The following HNRNPUL2 variants were observed in gnomAD, a reference collection of about 807,000 sequenced individuals.
HNRNPUL2 encodes heterogeneous nuclear ribonucleoprotein U-like protein 2.
A neutral mutation model predicts 102.2 loss-of-function variants in HNRNPUL2; 27 were observed. That is an observed-to-expected ratio of 0.26 (90% CI 0.19 to 0.36). The LOEUF (loss-of-function observed/expected upper bound fraction) is 0.36. Among genes scored for constraint, HNRNPUL2 ranks in the 10% least tolerant of loss-of-function variants. The probability of loss-of-function intolerance (pLI) is 1.00; values close to 1 mark genes in which losing one functional copy is unlikely to be tolerated. For missense variants in HNRNPUL2, 936 were observed against 981.1 expected (o/e 0.95, Z 0.61); for synonymous variants, 458 against 387.2 (o/e 1.18, Z -2.15).
Position 62,717,103 on chromosome 11 carries a change from T to C in HNRNPUL2, c.1867A>G (p.Thr623Ala). The C allele has an allele frequency of 6.2e-7, 1 of 1,614,216 alleles. No individual in the cohort carries two copies. The highest frequency in any genetic ancestry group is 8.5e-7 in the Non-Finnish European group (1 of 1,180,038). ...LEKEEAQPIV[T>A]KYKEEARKLL... is the part of the protein sequence containing the mutation. ...TTCCTTGCCTCCTCCTTGTACTTAG[T>C]GACAATGGGCTGAGCTTCCTCCTTC... The change falls in exon 11 of 14, where the codon ACT becomes GCT. Residue 623 changes from threonine (T) to alanine (A), a missense_variant. By Grantham distance (58) the Thr-to-Ala change is moderately conservative (BLOSUM62 0). Coordinates refer to ENST00000301785, the MANE Select transcript of HNRNPUL2 (RefSeq NM_001079559.3).
In HNRNPUL2 at chr11:62,722,934, A is replaced by G. The variant is rs1422627968; in HGVS notation, c.892-31T>C. 3 of 1,562,358 alleles carry G rather than the reference A, an allele frequency of 1.9e-6. No homozygotes were observed. The South Asian group carries it at 3.3e-5, about 17-fold the overall frequency. ...CAAGTCAGAAAGGGAACTATTAGATATTGTGACCAACTGAGTAGCAAACTC... is the reference window on the plus strand; with the variant it reads ...CAAGTCAGAAAGGGAACTATTAGATGTTGTGACCAACTGAGTAGCAAACTC... On this transcript the variant is annotated intron_variant, in intron 4 of 13. Transcript: ENST00000301785.
At chr11:62,716,796 G>T (rs534790240) in intron 11 of HNRNPUL2, among the ~76,000 whole-genome samples, 193 bp downstream of exon 11, 1 of 152,180 alleles carries the variant, frequency 6.6e-6, no homozygotes, top group Admixed American at 6.5e-5. Flanking sequence ...TTTTGTTGTT[G>T]TTGAAGAATT....
At chr11:62,719,499 T>C (rs564619594) in intron 10 of HNRNPUL2, among the ~76,000 whole-genome samples, 1 of 152,276 alleles carries the variant, frequency 6.6e-6, no homozygotes, top group African/African-American at 2.4e-5. Context: ...AAATTATTGC[T>C]TCTCTCTGTT....
chr11:62,726,844 G>A lies in HNRNPUL2; in HGVS notation c.313C>T (p.Gln105Ter). 6.3e-7 allele frequency: 1 copy of A among 1,589,292 alleles called. No homozygotes were observed. Among genetic ancestry groups the A allele is most frequent in the Non-Finnish European group, 8.5e-7 (1 of 1,174,980 alleles). ...EEPPPAQALG[Q>*]AAQPPPEPPE... ...GGCTCCGGCGGCGGCTGCGCGGCCT[G>A]ACCCAAGGCTTGAGCAGGGGGTGGC... Residue 105 changes from glutamine to a stop codon, truncating the protein, a stop_gained, in exon 1 of 14, where the codon CAG becomes TAG. Coordinates refer to ENST00000301785, the MANE Select transcript of HNRNPUL2 (RefSeq NM_001079559.3). LOFTEE classifies it high-confidence loss of function.
Position 62,727,233 on chromosome 11 carries a change from G to GCCGCCGCCGCCGC in HNRNPUL2, c.-78_-77insGCGGCGGCGGCGG. 1 of 1,287,944 alleles carries GCCGCCGCCGCCGC rather than the reference G, an allele frequency of 7.8e-7. No individual in the cohort carries two copies. The highest frequency in any genetic ancestry group is 9.8e-7 in the Non-Finnish European group (1 of 1,019,974). 79.8% of individuals were successfully genotyped at this position (1,287,944 alleles called of 1,614,324 possible). A position where few individuals can be genotyped will look rare whatever the true frequency, so the allele number is the denominator to read the frequency against. On this transcript the variant is annotated 5_prime_UTR_variant, in exon 1 of 14. Coordinates refer to ENST00000301785, the MANE Select transcript of HNRNPUL2 (RefSeq NM_001079559.3). ...GACCGAGTCCGACCGCGCAGGCGCC[G>GCCGCCGCCGCCGC]CCGCCGCCGCCCGCCTCCGCCTCAC...
At position 62,722,452 on chromosome 11, in the gene HNRNPUL2, C is replaced by CT; in HGVS notation, c.1096-73dup. The CT allele has an allele frequency of 5.2e-6, 8 of 1,541,802 alleles. No homozygotes were observed. The Middle Eastern group carries it at 6.9e-4, about 133-fold the overall frequency. On this transcript the variant is annotated intron_variant, in intron 6 of 13. Coordinates refer to ENST00000301785, the MANE Select transcript of HNRNPUL2 (RefSeq NM_001079559.3). The stretch of plus-strand genomic sequence containing the variant: ...GGTTGATTAAACTTTACAATTTATT[C>CT]TTTTTTCACACAGACTGCTGCACAA...
Position 62,727,258 on chromosome 11 carries a change from C to G in HNRNPUL2, c.-102G>C, listed in dbSNP as rs1252037866. On this transcript the variant is annotated 5_prime_UTR_variant, in exon 1 of 14. Transcript: ENST00000301785. ...GCCGCCGCCGCCCGCCTCCGCCTCA[C>G]GCGCCAGCACTGAGCCCGCGCGAGC... The G allele has an allele frequency of 2.4e-6, 3 of 1,236,912 alleles. No individual in the cohort carries two copies. Among genetic ancestry groups the G allele is most frequent in the Non-Finnish European group, 3.0e-6 (3 of 990,340 alleles). The allele number at this position is 1,236,912 out of a possible 1,614,324, so 76.6% of individuals were successfully genotyped here.
At chr11:62,718,772 A>T (rs1348400055) in intron 10 of HNRNPUL2, among the ~76,000 whole-genome samples, 5 of 151,548 alleles carry the variant, frequency 3.3e-5, no homozygotes, top group Admixed American at 1.3e-4. Flanking sequence ...TTAACAAATA[A>T]CTGATTCACA....
chr11:62,723,491 CAA>C (rs980763300), intron 4 of HNRNPUL2, 94 bp downstream of exon 4: 2 of 1,296,998 alleles, frequency 1.5e-6, no homozygotes, highest in Non-Finnish European at 1.0e-6. Context: ...AACTCCATCT[CAA>C]AAAAAAAGAG....
intron 9 of HNRNPUL2, 84 bp from the exon 10 acceptor site, chr11:62,720,275 G>A (rs1012362796): frequency 9.7e-6 from 13 of 1,341,364 alleles, no homozygotes; most frequent in Non-Finnish European, 1.4e-5. Context: ...GCTGGGCACG[G>A]TGGCTCACGC....
intron 1 of HNRNPUL2, among the ~76,000 whole-genome samples, chr11:62,725,511 A>AT (rs899628674): frequency 3.9e-5 from 6 of 152,064 alleles, no homozygotes; most frequent in African/African-American, 1.4e-4. Context: ...TCCTTCAATT[A>AT]TTTTTTTATC....
chr11:62,723,582 G>A lies in HNRNPUL2; in HGVS notation c.891+5C>T. On this transcript the variant is annotated splice_donor_5th_base_variant and intron_variant, in intron 4 of 13. Coordinates refer to ENST00000301785, the MANE Select transcript of HNRNPUL2 (RefSeq NM_001079559.3). Reference sequence around the variant, plus strand: ...ATGAATGAATGAATGGTCTTAATGAGCTACCTTTGCCTCAAAGCAGACTTT... The same window carrying A: ...ATGAATGAATGAATGGTCTTAATGAACTACCTTTGCCTCAAAGCAGACTTT... The A allele has an allele frequency of 6.3e-7, 1 of 1,597,126 alleles. No homozygotes were observed. The highest frequency in any genetic ancestry group is 8.5e-7 in the Non-Finnish European group (1 of 1,171,350).
At position 62,720,835 on chromosome 11, in the gene HNRNPUL2, G is replaced by T. The variant is rs549599318; in HGVS notation, c.1611+460C>A. ...GCCGAGATAGCGCCACTGCACTCCA[G>T]CCTGGGCGACAGAGCGAGACTCGGT... is the stretch of plus-strand genomic sequence containing the variant. On this transcript the variant is annotated intron_variant, in intron 9 of 13. Transcript: ENST00000301785. Among the ~76,000 whole-genome samples, 19 of 123,222 alleles carry T rather than the reference G, an allele frequency of 1.5e-4. No homozygotes were observed. In the South Asian group the frequency reaches 4.6e-3, roughly 30 times the overall value. The allele number at this position is 123,222 out of a possible 152,430, so 80.8% of individuals were successfully genotyped here.
intron 4 of HNRNPUL2, among the ~76,000 whole-genome samples, chr11:62,723,333 A>G (rs1355450133): frequency 6.6e-6 from 1 of 152,182 alleles, no homozygotes; most frequent in Non-Finnish European, 1.5e-5. Context: ...CTCTACTAAG[A>G]ATACAAAATT....
In HNRNPUL2 at chr11:62,726,757, C is replaced by G. The variant is rs768677373; in HGVS notation, c.400G>C (p.Ala134Pro). The change falls in exon 1 of 14, where the codon GCC becomes CCC. Residue 134 changes from alanine to proline, a missense_variant. Physicochemically the swap from Ala to Pro is conservative, Grantham distance 27. Coordinates refer to ENST00000301785, the MANE Select transcript of HNRNPUL2 (RefSeq NM_001079559.3). Reference sequence around the variant, plus strand: ...TTTACCCCGCCTGACCCGGCCGTGGCCTCCGCCGGCTTCTCGGAAGCATCT... The same window carrying G: ...TTTACCCCGCCTGACCCGGCCGTGGGCTCCGCCGGCTTCTCGGAAGCATCT... ...EPDASEKPAE[A>P]TAGSGGVNGG... is the part of the protein sequence containing the mutation. 2.5e-6 allele frequency: 4 copies of G among 1,600,960 alleles called. No homozygotes were observed. The highest frequency in any genetic ancestry group is 3.4e-6 in the Non-Finnish European group (4 of 1,179,608).
chr11:62,717,445 G>C (rs1442525600), intron 10 of HNRNPUL2, among the ~76,000 whole-genome samples: 1 of 152,212 alleles, frequency 6.6e-6, no homozygotes, highest in Non-Finnish European at 1.5e-5. Flanking sequence ...AATAAATTAG[G>C]AGTGAACTGG....
At chr11:62,716,405 T>A (rs1165037324) in intron 11 of HNRNPUL2, among the ~76,000 whole-genome samples, 2 of 152,200 alleles carry the variant, frequency 1.3e-5, no homozygotes, top group African/African-American at 4.8e-5. Flanking sequence ...TCGGAAATTC[T>A]GCTGACTTAA....
At chr11:62,724,064 T>C (rs1182160577) in intron 2 of HNRNPUL2, 74 bp from the exon 3 acceptor site, 1 of 1,294,602 alleles carries the variant, frequency 7.7e-7, no homozygotes, top group African/African-American at 1.5e-5. Context: ...GTGTATGACA[T>C]TATGTCCATT....
At chr11:62,726,078 C>T (rs1207791083) in intron 1 of HNRNPUL2, among the ~76,000 whole-genome samples, 1 of 152,186 alleles carries the variant, frequency 6.6e-6, no homozygotes, top group East Asian at 1.9e-4. Flanking sequence ...GACACTGTTA[C>T]ACTAGAGGCT....
Sources: gnomAD v4.1 joint callset for allele counts (sites outside exome capture counted in the v4.1 genomes callset) on GRCh38, gnomAD v4.1.1 for gene constraint, MANE v1.5 for transcripts, NCBI Gene and HGNC (gene_info 2026-07-23, HGNC 2026-07-21) for gene names.